Variants in ANK2 observed in about 807,000 individuals in gnomAD.
The protein encoded by ANK2 is ankyrin-2.
ANK2 carries 83 observed loss-of-function variants against 360.5 expected under a neutral mutation model. The ratio of observed to expected loss-of-function variants is 0.23; its 90% CI spans 0.19 to 0.28. The LOEUF (loss-of-function observed/expected upper bound fraction) is 0.28, where lower values mean the gene tolerates loss of function less well. Among genes scored for constraint, ANK2 ranks in the 10% least tolerant of loss-of-function variants. The pLI, the probability that ANK2 is intolerant of heterozygous loss-of-function variation, is 1.00. For missense variants in ANK2, 4,201 were observed against 4,795.7 expected (o/e 0.88, Z 3.66); for synonymous variants, 1,740 against 1,759.5 (o/e 0.99, Z 0.28).
At chr4:113,274,080 T>G (rs755386653) in intron 14 of ANK2, among the ~76,000 whole-genome samples, 1 of 152,192 alleles carries the variant, frequency 6.6e-6, no homozygotes, top group Non-Finnish European at 1.5e-5. Context: ...TGTTTCTAAG[T>G]GAAAACTCTT....
chr4:112,728,895 G>C, the ANK2 span, among the ~76,000 whole-genome samples: 2 of 152,240 alleles, frequency 1.3e-5, no homozygotes, highest in Non-Finnish European at 2.9e-5. Flanking sequence ...AGAAACCCTT[G>C]GTTGGGTGTG....
At chr4:113,304,338 G>A (rs906993066) in intron 23 of ANK2, among the ~76,000 whole-genome samples, 2 of 152,054 alleles carry the variant, frequency 1.3e-5, no homozygotes, top group Non-Finnish European at 2.9e-5. Flanking sequence ...TTTCTTAACT[G>A]GATAGAACAA....
At chr4:113,304,469 G>GT (rs2076331305) in intron 23 of ANK2, among the ~76,000 whole-genome samples, 1 of 152,142 alleles carries the variant, frequency 6.6e-6, no homozygotes, top group Admixed American at 6.5e-5. Flanking sequence ...GAAGCCTAAA[G>GT]TCATGAATTG....
At chr4:113,271,897 T>C (rs2058678766) in intron 14 of ANK2, among the ~76,000 whole-genome samples, 1 of 152,202 alleles carries the variant, frequency 6.6e-6, no homozygotes, top group Non-Finnish European at 1.5e-5. Flanking sequence ...AGGTCCTTCC[T>C]TGTCCAGTGT....
At chr4:113,292,382 C>T (rs748085103) in intron 20 of ANK2, 34 bp from the exon 21 acceptor site, 4 of 1,566,448 alleles carry the variant, frequency 2.6e-6, no homozygotes, top group Non-Finnish European at 3.5e-6. Flanking sequence ...CTCTGCCAAT[C>T]GGGTGCTGGG....
At chr4:113,132,283 A>G (rs2096091876) in intron 1 of ANK2, among the ~76,000 whole-genome samples, 1 of 152,044 alleles carries the variant, frequency 6.6e-6, no homozygotes, top group South Asian at 2.1e-4. Flanking sequence ...ATCAAAATGC[A>G]TTTCCGTTTT....
chr4:112,844,778 A>G (rs6845908), intron 1 of ANK2, among the ~76,000 whole-genome samples: 45,406 of 152,080 alleles, frequency 0.3, 6,925 homozygotes, highest in East Asian at 0.35. Context: ...TAAGGTTACT[A>G]GGAGCCAGTG....
At chr4:112,754,445 A>G in the ANK2 span, among the ~76,000 whole-genome samples, 1 of 151,516 alleles carries the variant, frequency 6.6e-6, no homozygotes, top group Admixed American at 6.6e-5. Flanking sequence ...CAGAGGTAGC[A>G]AACTGTTAGC....
chr4:113,078,424 A>G (rs1399259302), intron 1 of ANK2, among the ~76,000 whole-genome samples: 2 of 152,190 alleles, frequency 1.3e-5, no homozygotes, highest in Non-Finnish European at 2.9e-5. Context: ...GTTGCTCGTC[A>G]ATAGTAGCCG....
In ANK2 at chr4:113,358,189, G is replaced by A; in HGVS notation, c.9571G>A (p.Glu3191Lys). The A allele has an allele frequency of 6.2e-7, 1 of 1,614,106 alleles. No individual in the cohort carries two copies. The highest frequency in any genetic ancestry group is 8.5e-7 in the Non-Finnish European group (1 of 1,179,966). The change falls in exon 38 of 46, where the codon GAG becomes AAG. Residue 3191 changes from glutamate (E) to lysine (K), a missense_variant. Glu to Lys is a moderately conservative substitution (Grantham distance 56, BLOSUM62 1). Transcript: ENST00000357077. Reference protein sequence around the residue: ...LLPDDVSEEVEEIPASDAQLN... With the variant: ...LLPDDVSEEVKEIPASDAQLN... The stretch of plus-strand genomic sequence containing the variant: ...TCCAGATGACGTGAGTGAGGAAGTA[G>A]AGGAAATACCTGCTTCGGATGCTCA...
intron 1 of ANK2, 126 bp downstream of exon 1, chr4:113,049,938 C>A: frequency 8.2e-7 from 1 of 1,226,236 alleles, no homozygotes; most frequent in Non-Finnish European, 1.2e-6. Flanking sequence ...ATAACAGTGC[C>A]AAGCCTTGCT....
chr4:112,744,962 T>C, the ANK2 span, among the ~76,000 whole-genome samples: 1 of 152,268 alleles, frequency 6.6e-6, no homozygotes, highest in Non-Finnish European at 1.5e-5. Flanking sequence ...TTGACAGTCT[T>C]TGTCATTTTC....
intron 10 of ANK2, among the ~76,000 whole-genome samples, chr4:113,251,230 C>T (rs190142851): frequency 9.2e-5 from 14 of 152,158 alleles, no homozygotes; most frequent in African/African-American, 2.9e-4. Flanking sequence ...ATCTTATCTG[C>T]AGAGTTTGCT....
Position 113,288,376 on chromosome 4 carries a change from T to C in ANK2, c.2179-12T>C, listed in dbSNP as rs778459545. On this transcript the variant is annotated splice_polypyrimidine_tract_variant and intron_variant, in intron 19 of 45. Transcript: ENST00000357077. ...ACTTTATCTATTTTTAACTTTTTAT[T>C]ATTATTTACAGCTTGGTTACACACC... The C allele has an allele frequency of 6.2e-7, 1 of 1,608,046 alleles. No homozygotes were observed.
chr4:112,936,165 A>G (rs1320114381), intron 2 of ANK2, among the ~76,000 whole-genome samples: 1 of 152,188 alleles, frequency 6.6e-6, no homozygotes, highest in Admixed American at 6.5e-5. Context: ...TCTGTCTCTG[A>G]AATTATGTTA....
At chr4:112,736,188 C>A in the ANK2 span, among the ~76,000 whole-genome samples, 2 of 152,058 alleles carry the variant, frequency 1.3e-5, no homozygotes, top group Non-Finnish European at 2.9e-5. Context: ...CAGGGCTGGG[C>A]GCGGTGGCTC....
chr4:113,141,241 T>G (rs1246607292), intron 1 of ANK2: 1 of 152,178 alleles, frequency 6.6e-6, no homozygotes, highest in Non-Finnish European at 1.5e-5. Flanking sequence ...TCCTGGATAT[T>G]AACAAAGAGT....
intron 2 of ANK2, among the ~76,000 whole-genome samples, chr4:112,956,343 A>G (rs1464471613): frequency 6.6e-6 from 1 of 151,670 alleles, no homozygotes; most frequent in African/African-American, 2.4e-5. Context: ...TCAGCATATG[A>G]TTTTTTTTTC....
At chr4:113,352,513 C>T (rs1407034396) in intron 37 of ANK2, among the ~76,000 whole-genome samples, 1 of 152,134 alleles carries the variant, frequency 6.6e-6, no homozygotes, top group Non-Finnish European at 1.5e-5. Flanking sequence ...GAATTTCAGA[C>T]TTTTATATGA....
Sources: gnomAD v4.1 joint callset for allele counts (sites outside exome capture counted in the v4.1 genomes callset) on GRCh38, gnomAD v4.1.1 for gene constraint, MANE v1.5 for transcripts, NCBI Gene and HGNC (gene_info 2026-07-23, HGNC 2026-07-21) for gene names.